Variants in EYS observed in about 807,000 individuals in gnomAD.
The protein encoded by EYS is EGF-like photoreceptor maintenance factor.
In EYS, 250 loss-of-function variants were observed where a neutral mutation model predicts 282.1. The ratio of observed to expected loss-of-function variants is 0.89; its 90% CI spans 0.80 to 0.98. The LOEUF (loss-of-function observed/expected upper bound fraction) is 0.98, where lower values mean the gene tolerates loss of function less well. Among genes scored for constraint, EYS ranks in the 50% least tolerant of loss-of-function variants. The pLI is 0.00. For missense variants in EYS, 4,016 were observed against 3,709.0 expected (o/e 1.08, Z -2.15); for synonymous variants, 1,355 against 1,282.9 (o/e 1.06, Z -1.20).
intron 22 of EYS, among the ~76,000 whole-genome samples, chr6:64,652,938 A>T (rs1233486005): frequency 6.6e-6 from 1 of 152,164 alleles, no homozygotes; most frequent in Non-Finnish European, 1.5e-5. Flanking sequence ...TTTGCATTGC[A>T]TATTATTCAT....
intron 35 of EYS, among the ~76,000 whole-genome samples, chr6:63,878,863 G>T (rs1773051856): frequency 1.3e-5 from 2 of 152,134 alleles, no homozygotes; most frequent in African/African-American, 4.8e-5. Context: ...CGATTTTCCA[G>T]GTACTGTCTG....
At chr6:65,655,802 T>A (rs1474263430) in intron 1 of EYS, among the ~76,000 whole-genome samples, 1 of 151,824 alleles carries the variant, frequency 6.6e-6, no homozygotes, top group African/African-American at 2.4e-5. Context: ...TTTCTTGAGA[T>A]GTAATCTATT....
intron 30 of EYS, among the ~76,000 whole-genome samples, chr6:64,261,787 GT>G (rs55966462): frequency 0.67 from 97,645 of 144,670 alleles, 32,503 homozygotes; most frequent in South Asian, 0.7. Flanking sequence ...AGGTTATTTT[GT>G]TTTTTTTTTT....
intron 5 of EYS, among the ~76,000 whole-genome samples, chr6:65,410,224 T>A (rs1190866315): frequency 2.0e-5 from 3 of 152,086 alleles, no homozygotes; most frequent in Non-Finnish European, 4.4e-5. Context: ...AAACAAAACC[T>A]GAAATTTATA....
rs1322680203 is a variant in EYS, at chr6:64,925,410, T to C, written c.2382-12667A>G. ...AATAGACTCTGTATGATTTCTTTGG[T>C]TATACGTAGTCTTCATGTGGTGGCT... On this transcript the variant is annotated intron_variant, in intron 15 of 42. Coordinates refer to ENST00000503581, the MANE Select transcript of EYS (RefSeq NM_001142800.2). Among the ~76,000 whole-genome samples the C allele has an allele frequency of 4.1e-5, 6 of 146,162 alleles. No individual in the cohort carries two copies. In the East Asian group the frequency reaches 1.3e-3, roughly 31 times the overall value.
At chr6:64,280,263 T>C (rs1204391079) in intron 30 of EYS, among the ~76,000 whole-genome samples, 1 of 152,176 alleles carries the variant, frequency 6.6e-6, no homozygotes, top group Admixed American at 6.6e-5. Context: ...TAGTTATCGA[T>C]CATCCTGTGA....
At chr6:64,387,037 A>T (rs1772934258) in intron 29 of EYS, among the ~76,000 whole-genome samples, 1 of 152,116 alleles carries the variant, frequency 6.6e-6, no homozygotes. Flanking sequence ...CATAGGATTA[A>T]TTATTCTCTG....
chr6:64,043,641 G>T (rs1770490813), intron 33 of EYS, among the ~76,000 whole-genome samples: 1 of 152,156 alleles, frequency 6.6e-6, no homozygotes, highest in Admixed American at 6.5e-5. Context: ...TTTCTCAAGG[G>T]TTGGGTAGGT....
At chr6:64,507,130 A>C (rs116270190) in intron 26 of EYS, among the ~76,000 whole-genome samples, 5 of 151,954 alleles carry the variant, frequency 3.3e-5, no homozygotes, top group African/African-American at 1.2e-4. Context: ...TGTTATCAAA[A>C]TATATTTGAA....
chr6:64,587,729 A>G (rs1428712031), intron 26 of EYS, among the ~76,000 whole-genome samples: 1 of 152,042 alleles, frequency 6.6e-6, no homozygotes, highest in African/African-American at 2.4e-5. Context: ...GATACCAAAC[A>G]ATGACTACTA....
At chr6:64,957,069 T>A (rs915424345) in intron 14 of EYS, among the ~76,000 whole-genome samples, 3 of 152,220 alleles carry the variant, frequency 2.0e-5, no homozygotes, top group African/African-American at 7.2e-5. Flanking sequence ...ATCCCACTGC[T>A]GGGTATACAC....
intron 2 of EYS, among the ~76,000 whole-genome samples, chr6:65,566,253 A>T (rs574093608): frequency 6.6e-6 from 1 of 152,106 alleles, no homozygotes; most frequent in East Asian, 1.9e-4. Context: ...GGTAAGGGAA[A>T]ATTTCCCCAA....
intron 26 of EYS, among the ~76,000 whole-genome samples, chr6:64,447,250 A>G (rs58382751): frequency 0.031 from 4,709 of 152,078 alleles, 229 homozygotes; most frequent in African/African-American, 0.11. Flanking sequence ...TCATTACAAA[A>G]TCTCTGCATA....
chr6:64,368,695 CAT>C (rs1772256433), intron 29 of EYS, among the ~76,000 whole-genome samples: 2 of 152,084 alleles, frequency 1.3e-5, no homozygotes, highest in Admixed American at 1.3e-4. Context: ...TTGTTGCCCA[CAT>C]GTGTGTCTTC....
At chr6:64,983,105 G>A (rs1204050824) in intron 14 of EYS, among the ~76,000 whole-genome samples, 3 of 151,016 alleles carry the variant, frequency 2.0e-5, no homozygotes, top group Admixed American at 1.3e-4. Flanking sequence ...TGATATTCTC[G>A]ATTTTAAAAA....
At chr6:64,851,006 C>T (rs1018717515) in intron 19 of EYS, among the ~76,000 whole-genome samples, 9 of 152,072 alleles carry the variant, frequency 5.9e-5, no homozygotes, top group African/African-American at 1.9e-4. Context: ...CAAAGCCCAG[C>T]AGTTTAAACT....
chr6:63,962,324 C>G (rs550709175), intron 35 of EYS, among the ~76,000 whole-genome samples: 1 of 152,134 alleles, frequency 6.6e-6, no homozygotes. Context: ...GAACAGGCAA[C>G]CTGCAGAACG....
intron 29 of EYS, among the ~76,000 whole-genome samples, chr6:64,315,190 T>G (rs547242946): frequency 6.6e-6 from 1 of 152,250 alleles, no homozygotes; most frequent in Admixed American, 6.5e-5. Context: ...ATGAATAAAT[T>G]TCTGGACACA....
chr6:63,984,282 T>G, intron 35 of EYS, 101 bp downstream of exon 35: 1 of 783,746 alleles, frequency 1.3e-6, no homozygotes. Context: ...AATTCTGGAC[T>G]TGTCATTTTC....
Sources: gnomAD v4.1 joint callset for allele counts (sites outside exome capture counted in the v4.1 genomes callset) on GRCh38, gnomAD v4.1.1 for gene constraint, MANE v1.5 for transcripts, NCBI Gene and HGNC (gene_info 2026-07-23, HGNC 2026-07-21) for gene names.